CADM2: variants seen among roughly 807,000 people sequenced by gnomAD.
The protein encoded by CADM2 is immunoglobulin superfamily member 4D.
Under a neutral mutation model 49.8 loss-of-function variants are expected in CADM2, and 12 were observed. The ratio of observed to expected loss-of-function variants is 0.24; its 90% CI spans 0.15 to 0.39. The LOEUF is 0.39. Ranked by LOEUF, CADM2 falls within the 10% of genes least tolerant of loss-of-function variation. The pLI is 1.00. For missense variants in CADM2, 378 were observed against 492.3 expected (o/e 0.77, Z 2.20); for synonymous variants, 214 against 175.4 (o/e 1.22, Z -1.74).
At chr3:85,790,389 A>C (rs2071252687) in intron 2 of CADM2, among the ~76,000 whole-genome samples, 1 of 152,298 alleles carries the variant, frequency 6.6e-6, no homozygotes, top group African/African-American at 2.4e-5. Context: ...GTATAGGTAA[A>C]CTGGAAACAA....
chr3:85,253,432 G>C (rs532347765), intron 1 of CADM2, among the ~76,000 whole-genome samples: 3 of 152,004 alleles, frequency 2.0e-5, no homozygotes, highest in African/African-American at 7.2e-5. Flanking sequence ...TAGTCCCCTG[G>C]AAATCTTTGC....
At chr3:85,971,105 T>G (rs1015811106) in intron 8 of CADM2, among the ~76,000 whole-genome samples, 9 of 151,712 alleles carry the variant, frequency 5.9e-5, no homozygotes, top group African/African-American at 2.2e-4. Context: ...ACATACATAT[T>G]AAGATCATTT....
intron 1 of CADM2, among the ~76,000 whole-genome samples, chr3:85,531,747 G>A (rs1014582573): frequency 2.6e-5 from 4 of 151,926 alleles, no homozygotes; most frequent in Non-Finnish European, 5.9e-5. Flanking sequence ...ATAAATAAAC[G>A]AAATAAAGGT....
chr3:85,132,961 A>G (rs1311224553), intron 1 of CADM2, among the ~76,000 whole-genome samples: 1 of 151,998 alleles, frequency 6.6e-6, no homozygotes, highest in Non-Finnish European at 1.5e-5. Context: ...ATATTCGGAT[A>G]TGTTCAGAGT....
chr3:85,379,240 A>T (rs1384289528), intron 1 of CADM2, among the ~76,000 whole-genome samples: 2 of 152,028 alleles, frequency 1.3e-5, no homozygotes, highest in Non-Finnish European at 2.9e-5. Context: ...CATGACAGCT[A>T]AAAATTATAC....
chr3:84,980,411 A>C (rs540553499), intron 1 of CADM2, among the ~76,000 whole-genome samples: 1 of 152,274 alleles, frequency 6.6e-6, no homozygotes, highest in African/African-American at 2.4e-5. Context: ...GCAAAATATT[A>C]ACAGATAGAA....
At chr3:85,246,448 A>G (rs1309869009) in intron 1 of CADM2, among the ~76,000 whole-genome samples, 2 of 152,098 alleles carry the variant, frequency 1.3e-5, no homozygotes, top group African/African-American at 4.8e-5. Flanking sequence ...AGTATAATAA[A>G]TAAATAAATA....
intron 1 of CADM2, among the ~76,000 whole-genome samples, chr3:85,351,389 A>G (rs550244884): frequency 1.3e-5 from 2 of 152,226 alleles, no homozygotes; most frequent in African/African-American, 2.4e-5. Flanking sequence ...ATAACGTATA[A>G]TTAAAGAAAA....
chr3:85,216,813 G>T (rs967379000), intron 1 of CADM2, among the ~76,000 whole-genome samples: 1 of 151,842 alleles, frequency 6.6e-6, no homozygotes, highest in Non-Finnish European at 1.5e-5. Context: ...ATTTTTAATG[G>T]GTGGCCAACT....
Position 85,169,582 on chromosome 3 carries a change from G to A in CADM2, c.61+209914G>A, listed in dbSNP as rs188656487. ...AGGTCAGGAGTTGCAGATGAGCCTG[G>A]CCAACATGGTGAAATCCTATCTCTA... On this transcript the variant is annotated intron_variant, in intron 1 of 9. Coordinates refer to ENST00000383699, the MANE Select transcript of CADM2 (RefSeq NM_001167675.2). 5.5e-4 allele frequency among the ~76,000 whole-genome samples: 84 copies of A among 152,036 alleles called. 1 individual carries two copies. Among genetic ancestry groups the A allele is most frequent in the Non-Finnish European group, 5.9e-5 (4 of 67,964 alleles).
chr3:85,115,921 G>T (rs534508074), intron 1 of CADM2, among the ~76,000 whole-genome samples: 4 of 152,116 alleles, frequency 2.6e-5, no homozygotes, highest in Non-Finnish European at 5.9e-5. Flanking sequence ...TGTGGATATG[G>T]GTGGAAGCAT....
chr3:85,301,226 G>C (rs2044092724), intron 1 of CADM2, among the ~76,000 whole-genome samples: 1 of 152,006 alleles, frequency 6.6e-6, no homozygotes, highest in Non-Finnish European at 1.5e-5. Flanking sequence ...CATAGCCCTT[G>C]CCATTCTTGC....
chr3:85,200,850 A>G (rs1489018490), intron 1 of CADM2, among the ~76,000 whole-genome samples: 1 of 152,180 alleles, frequency 6.6e-6, no homozygotes, highest in Non-Finnish European at 1.5e-5. Context: ...AACTTTTATT[A>G]GATAGAAAAA....
chr3:86,024,074 T>C (rs1438770757), intron 8 of CADM2, among the ~76,000 whole-genome samples: 3 of 152,206 alleles, frequency 2.0e-5, no homozygotes, highest in African/African-American at 7.2e-5. Flanking sequence ...TTTGATCAAC[T>C]GAATCGCATT....
intron 1 of CADM2, among the ~76,000 whole-genome samples, chr3:85,271,560 A>G (rs1231162942): frequency 6.6e-6 from 1 of 151,220 alleles, no homozygotes; most frequent in Non-Finnish European, 1.5e-5. Context: ...TGAGTTGCCT[A>G]AGGTCATGAT....
intron 1 of CADM2, among the ~76,000 whole-genome samples, chr3:85,650,684 A>G (rs528507949): frequency 6.6e-6 from 1 of 152,026 alleles, no homozygotes; most frequent in South Asian, 2.1e-4. Flanking sequence ...CTGAGTTTTA[A>G]TAAGCCCATG....
chr3:85,710,045 T>G (rs557801822), intron 1 of CADM2, among the ~76,000 whole-genome samples: 2 of 152,258 alleles, frequency 1.3e-5, no homozygotes, highest in Admixed American at 1.3e-4. Context: ...TGGAATCAGG[T>G]GCCCATTCCT....
At chr3:85,106,290 G>A (rs1251830918) in intron 1 of CADM2, among the ~76,000 whole-genome samples, 1 of 152,026 alleles carries the variant, frequency 6.6e-6, no homozygotes, top group Non-Finnish European at 1.5e-5. Context: ...TGAAAGTAAG[G>A]AAGATGGAGA....
intron 1 of CADM2, among the ~76,000 whole-genome samples, chr3:85,368,840 C>G (rs1559803927): frequency 1.3e-5 from 2 of 151,866 alleles, no homozygotes; most frequent in Non-Finnish European, 2.9e-5. Context: ...CTAATTGTAC[C>G]CTGTTCTGTC....
Sources: gnomAD v4.1 joint callset for allele counts (sites outside exome capture counted in the v4.1 genomes callset) on GRCh38, gnomAD v4.1.1 for gene constraint, MANE v1.5 for transcripts, NCBI Gene and HGNC (gene_info 2026-07-23, HGNC 2026-07-21) for gene names.